Variants in KCTD8 observed in about 807,000 individuals in gnomAD.
KCTD8 encodes the protein BTB/POZ domain-containing protein KCTD8.
KCTD8 carries 27 observed loss-of-function variants against 31.5 expected under a neutral mutation model. The observed-to-expected ratio is 0.86, with a 90% CI of 0.63 to 1.18. The LOEUF (loss-of-function observed/expected upper bound fraction) is 1.18. KCTD8 is among the 50% of genes most tolerant of loss of function. The pLI, the probability that KCTD8 is intolerant of heterozygous loss-of-function variation, is 0.00. For missense variants in KCTD8, 658 were observed against 647.7 expected, an observed-to-expected ratio of 1.02 and a Z score of -0.17; for synonymous variants, 290 against 280.0, an observed-to-expected ratio of 1.04 and a Z score of -0.36.
chr4:44,324,321 C>T (rs577558333), intron 1 of KCTD8, among the ~76,000 whole-genome samples: 1 of 152,062 alleles, frequency 6.6e-6, no homozygotes, highest in East Asian at 1.9e-4. Flanking sequence ...CTCTCTTTTC[C>T]ATACTTCATT....
intron 1 of KCTD8, among the ~76,000 whole-genome samples, chr4:44,234,151 A>G (rs530261704): frequency 5.1e-4 from 78 of 152,202 alleles, no homozygotes; most frequent in Non-Finnish European, 1.0e-3. Flanking sequence ...ACCAACGTCT[A>G]CATTTTACAA....
chr4:44,448,579 A>C lies in KCTD8; in HGVS notation c.-56T>G, dbSNP rs1289435048. 1 of 1,383,814 alleles carries C rather than the reference A, an allele frequency of 7.2e-7. No homozygotes were observed. The highest frequency in any genetic ancestry group is 9.3e-7 in the Non-Finnish European group (1 of 1,073,216). 85.7% of individuals were successfully genotyped at this position (1,383,814 alleles called of 1,614,324 possible). On this transcript the variant is annotated 5_prime_UTR_variant, in exon 1 of 2. Transcript: ENST00000360029. This position sits in a 1 kb window ranked among gnomAD's most constrained non-coding sequence, Gnocchi z 4.1. ...GAGAGCTGCACTTTCTCGTTCCCGG[A>C]GCCCGCGCCCCAGCCCTCCGCGTGC...
intron 1 of KCTD8, among the ~76,000 whole-genome samples, chr4:44,344,695 T>C (rs914975765): frequency 6.6e-6 from 1 of 152,210 alleles, no homozygotes; most frequent in Non-Finnish European, 1.5e-5. Flanking sequence ...GCATGAGATG[T>C]GGTATTCTGA....
chr4:44,228,953 G>A (rs1715043044), intron 1 of KCTD8, among the ~76,000 whole-genome samples: 1 of 152,034 alleles, frequency 6.6e-6, no homozygotes, highest in Non-Finnish European at 1.5e-5. Flanking sequence ...CCTTTAAAAT[G>A]AAATATTTCA....
intron 1 of KCTD8, among the ~76,000 whole-genome samples, chr4:44,209,537 A>G (rs1714418983): frequency 6.6e-6 from 1 of 151,470 alleles, no homozygotes; most frequent in Non-Finnish European, 1.5e-5. Flanking sequence ...CACACCCCAC[A>G]CACACCCCCA....
chr4:44,349,194 G>A (rs900909029), intron 1 of KCTD8, among the ~76,000 whole-genome samples: 1 of 151,268 alleles, frequency 6.6e-6, no homozygotes, highest in Admixed American at 6.6e-5. Flanking sequence ...AACATTTTGA[G>A]ATGAAGTTAG....
intron 1 of KCTD8, among the ~76,000 whole-genome samples, chr4:44,370,581 T>C (rs911427125): frequency 2.0e-5 from 3 of 152,158 alleles, no homozygotes; most frequent in African/African-American, 7.2e-5. Context: ...AGTTGAAAGA[T>C]GGTAGACATG....
At chr4:44,351,286 A>G (rs1244522965) in intron 1 of KCTD8, among the ~76,000 whole-genome samples, 2 of 152,134 alleles carry the variant, frequency 1.3e-5, no homozygotes. Flanking sequence ...ATGCATTAAT[A>G]AATGACGTTC....
chr4:44,241,901 A>G (rs1470605825), intron 1 of KCTD8, among the ~76,000 whole-genome samples: 2 of 152,230 alleles, frequency 1.3e-5, no homozygotes, highest in African/African-American at 2.4e-5. Context: ...TTATTGCTAT[A>G]ATAATAAATA....
chr4:44,303,313 C>T, intron 1 of KCTD8, among the ~76,000 whole-genome samples: 1 of 151,960 alleles, frequency 6.6e-6, no homozygotes. Context: ...CCTCCTTGTA[C>T]CTCTGGTAGA....
intron 1 of KCTD8, among the ~76,000 whole-genome samples, chr4:44,435,434 T>C (rs1721619593): frequency 6.6e-6 from 1 of 152,030 alleles, no homozygotes; most frequent in African/African-American, 2.4e-5. Flanking sequence ...GACTCTAATA[T>C]GACCATTTCA....
intron 1 of KCTD8, among the ~76,000 whole-genome samples, chr4:44,295,635 A>G (rs569640205): frequency 6.6e-6 from 1 of 152,316 alleles, no homozygotes; most frequent in Non-Finnish European, 1.5e-5. Flanking sequence ...TTGTGTTGCT[A>G]TAACAGAATA....
intron 1 of KCTD8, among the ~76,000 whole-genome samples, chr4:44,411,035 A>G (rs1190530034): frequency 6.6e-6 from 1 of 152,198 alleles, no homozygotes; most frequent in Non-Finnish European, 1.5e-5. Context: ...TGACTTTAAC[A>G]ATCCTAGTGA....
At chr4:44,270,640 A>C (rs1370887414) in intron 1 of KCTD8, among the ~76,000 whole-genome samples, 1 of 152,168 alleles carries the variant, frequency 6.6e-6, no homozygotes, top group East Asian at 1.9e-4. Context: ...AAGGCTTTGG[A>C]TAATTCTGTT....
At chr4:44,389,819 T>C (rs1720320652) in intron 1 of KCTD8, among the ~76,000 whole-genome samples, 1 of 151,726 alleles carries the variant, frequency 6.6e-6, no homozygotes, top group Non-Finnish European at 1.5e-5. Flanking sequence ...GCAGGTCCAT[T>C]TATACGTGGA....
At chr4:44,329,087 A>G (rs1718526122) in intron 1 of KCTD8, among the ~76,000 whole-genome samples, 1 of 151,864 alleles carries the variant, frequency 6.6e-6, no homozygotes, top group African/African-American at 2.4e-5. Flanking sequence ...TTAGAATATT[A>G]CATCAAAGAA....
At chr4:44,342,456 T>G (rs1047793650) in intron 1 of KCTD8, among the ~76,000 whole-genome samples, 1 of 151,874 alleles carries the variant, frequency 6.6e-6, no homozygotes, top group Non-Finnish European at 1.5e-5. Context: ...AACCATGCTA[T>G]AAACAGATGT....
chr4:44,448,173 T>C lies in KCTD8; in HGVS notation c.351A>G (p.Gln117=), dbSNP rs370011280. ...CGGGGAAGTGCTCCGGCAGCGCGAGTTGCTTGTCCCGCAGATAATCCAGCA... is the reference window on the plus strand; with the variant it reads ...CGGGGAAGTGCTCCGGCAGCGCGAGCTGCTTGTCCCGCAGATAATCCAGCA... ...RYVLDYLRDK[Q]LALPEHFPEK... Residue 117 remains glutamine, a synonymous_variant, in exon 1 of 2, where the codon CAA becomes CAG. Coordinates refer to ENST00000360029, the MANE Select transcript of KCTD8 (RefSeq NM_198353.3). The surrounding 1 kb of genome is among the most constrained non-coding windows in gnomAD (Gnocchi z 4.1). 2.5e-6 allele frequency: 4 copies of C among 1,611,836 alleles called. No homozygotes were observed. Among genetic ancestry groups the C allele is most frequent in the Non-Finnish European group, 3.4e-6 (4 of 1,179,536 alleles).
chr4:44,276,944 T>G (rs1343737756), intron 1 of KCTD8, among the ~76,000 whole-genome samples: 1 of 151,994 alleles, frequency 6.6e-6, no homozygotes, highest in African/African-American at 2.4e-5. Flanking sequence ...AAGAGAACTT[T>G]GGTCCAAATC....
Sources: allele counts gnomAD v4.1 joint callset (sites outside exome capture counted in the v4.1 genomes callset), GRCh38; gene constraint gnomAD v4.1.1; non-coding constraint Gnocchi (gnomAD v3.1); transcripts MANE v1.5; gene names NCBI Gene and HGNC (gene_info 2026-07-23, HGNC 2026-07-21).